Variants in TMX3 observed in about 807,000 individuals in gnomAD.
The protein encoded by TMX3 is protein disulfide-isomerase TMX3.
Under a neutral mutation model 64.4 loss-of-function variants are expected in TMX3, and 40 were observed. The observed-to-expected ratio is 0.62, with a 90% CI of 0.48 to 0.81. TMX3 has a LOEUF of 0.81. TMX3 is among the 30% of genes least tolerant of loss of function. The pLI is 0.00. For missense variants in TMX3, 497 were observed against 534.5 expected (o/e 0.93, Z 0.69); for synonymous variants, 189 against 175.7 (o/e 1.08, Z -0.60).
intron 9 of TMX3, 52 bp downstream of exon 9, chr18:68,691,243 C>A: frequency 7.8e-7 from 1 of 1,287,064 alleles, no homozygotes; most frequent in Admixed American, 2.0e-5. Flanking sequence ...AGTTGTATAA[C>A]AGACATTTTA....
Position 68,691,275 on chromosome 18 carries a change from G to C in TMX3, c.637+20C>G, listed in dbSNP as rs553274614. ...TTTAATTTTAAAATGTTTTACATGA[G>C]TTAAAGATTTGGAACTTACCATCAT... On this transcript the variant is annotated intron_variant, in intron 9 of 15. Coordinates refer to ENST00000299608, the MANE Select transcript of TMX3 (RefSeq NM_019022.5). 2 of 1,529,752 alleles carry C rather than the reference G, an allele frequency of 1.3e-6. No homozygotes were observed. Among genetic ancestry groups the C allele is most frequent in the Admixed American group, 1.8e-5 (1 of 55,022 alleles). The allele number at this position is 1,529,752 out of a possible 1,614,324, so 94.8% of individuals were successfully genotyped here. A position where few individuals can be genotyped will look rare whatever the true frequency, so the allele number is the denominator to read the frequency against.
intron 15 of TMX3, among the ~76,000 whole-genome samples, chr18:68,677,439 T>C (rs1052876911): frequency 2.6e-5 from 4 of 152,088 alleles, no homozygotes; most frequent in African/African-American, 9.7e-5. Flanking sequence ...AGGCATCAAA[T>C]ATTCTACAGC....
Position 68,687,778 on chromosome 18 carries a change from A to G in TMX3, c.638-13T>C. The stretch of plus-strand genomic sequence containing the variant: ...CCATCTTCATACTCTTAAAACCAAG[A>G]CAAAGTTGACAAATTACAGTATAAA... On this transcript the variant is annotated splice_polypyrimidine_tract_variant and intron_variant, in intron 9 of 15. Coordinates refer to ENST00000299608, the MANE Select transcript of TMX3 (RefSeq NM_019022.5). The G allele has an allele frequency of 6.3e-7, 1 of 1,582,702 alleles. No homozygotes were observed. The highest frequency in any genetic ancestry group is 8.6e-7 in the Non-Finnish European group (1 of 1,161,080).
intron 10 of TMX3, among the ~76,000 whole-genome samples, chr18:68,685,839 A>C (rs1011403747): frequency 2.6e-5 from 4 of 152,240 alleles, no homozygotes; most frequent in African/African-American, 7.2e-5. Flanking sequence ...GATTTTCCTA[A>C]GGAAGCAGTA....
At chr18:68,701,889 A>G (rs2030119135) in intron 4 of TMX3, 99 bp from the exon 5 acceptor site, 2 of 911,146 alleles carry the variant, frequency 2.2e-6, no homozygotes, top group East Asian at 2.6e-5. Context: ...ATATTTATAC[A>G]ACCCATATAG....
intron 4 of TMX3, among the ~76,000 whole-genome samples, chr18:68,703,526 G>A (rs1228975775): frequency 6.6e-6 from 1 of 152,014 alleles, no homozygotes; most frequent in Non-Finnish European, 1.5e-5. Flanking sequence ...TATTCACATC[G>A]AGACAATGGA....
Position 68,698,048 on chromosome 18 carries a change from CA to C in TMX3, c.393-18del, listed in dbSNP as rs1268141020. On this transcript the variant is annotated intron_variant, in intron 6 of 15. Coordinates refer to ENST00000299608, the MANE Select transcript of TMX3 (RefSeq NM_019022.5). ...ATTAGAGCCCTGTTGCACAACAAAA[CA>C]AAAAACAAACTTGAATTATAAACTA... 6 of 1,555,290 alleles carry C rather than the reference CA, an allele frequency of 3.9e-6. No individual in the cohort carries two copies. In the East Asian group the frequency reaches 1.1e-4, roughly 29 times the overall value.
chr18:68,694,040 A>G (rs924886293), intron 8 of TMX3, among the ~76,000 whole-genome samples: 3 of 152,142 alleles, frequency 2.0e-5, no homozygotes, highest in Non-Finnish European at 2.9e-5. Flanking sequence ...CTGTTGCTCA[A>G]TGAAGCTCCT....
rs151078315 is a variant in TMX3 at position 68,713,980 on chromosome 18, G to A, written c.47-80C>T. The A allele has an allele frequency of 6.3e-4, 627 of 1,001,666 alleles. 4 individuals are homozygous for A. In the African/African-American group the frequency reaches 8.3e-3, roughly 13 times the overall value. 62.0% of individuals were successfully genotyped at this position (1,001,666 alleles called of 1,614,324 possible). ...GTATAAGCTTAGTCATCTCTGAAGTGTTTTTGACCTTTCACAACCTACCAA... is the reference window on the plus strand; with the variant it reads ...GTATAAGCTTAGTCATCTCTGAAGTATTTTTGACCTTTCACAACCTACCAA... On this transcript the variant is annotated intron_variant, in intron 1 of 15. Coordinates refer to ENST00000299608, the MANE Select transcript of TMX3 (RefSeq NM_019022.5).
intron 10 of TMX3, among the ~76,000 whole-genome samples, chr18:68,684,823 T>C (rs1913789641): frequency 6.6e-6 from 1 of 152,046 alleles, no homozygotes; most frequent in African/African-American, 2.4e-5. Context: ...TTGGCTAAGA[T>C]AACTATTTTT....
intron 2 of TMX3, among the ~76,000 whole-genome samples, chr18:68,712,575 G>C (rs1318983497): frequency 6.6e-6 from 1 of 151,950 alleles, no homozygotes; most frequent in African/African-American, 2.4e-5. Context: ...TTTCAGCATA[G>C]GGACCTTTCT....
intron 15 of TMX3, among the ~76,000 whole-genome samples, chr18:68,678,867 A>G (rs1163623393): frequency 6.6e-6 from 1 of 152,080 alleles, no homozygotes; most frequent in Non-Finnish European, 1.5e-5. Context: ...GATTTGATCC[A>G]TCACATTTTA....
At chr18:68,708,060 T>C (rs970098384) in intron 4 of TMX3, among the ~76,000 whole-genome samples, 10 of 147,698 alleles carry the variant, frequency 6.8e-5, no homozygotes, top group African/African-American at 2.6e-4. Context: ...TATATGTGTA[T>C]ATATATGTGT....
rs9960027 is a variant in TMX3, at chr18:68,714,657, G to A, written c.46+279C>T. ...GCCCATCAAAGGAGTAAGCTTTATT[G>A]AAACTTCTGCCACAATGAGAAAAAC... On this transcript the variant is annotated intron_variant, in intron 1 of 15. Coordinates refer to ENST00000299608, the MANE Select transcript of TMX3 (RefSeq NM_019022.5). Among the ~76,000 whole-genome samples, 32,686 of 152,176 alleles carry A rather than the reference G, an allele frequency of 0.21. 5,491 individuals carry two copies. The highest frequency in any genetic ancestry group is 0.47 in the African/African-American group (19,428 of 41,482).
intron 6 of TMX3, among the ~76,000 whole-genome samples, chr18:68,699,222 T>C (rs1311332485): frequency 6.6e-6 from 1 of 152,174 alleles, no homozygotes; most frequent in Non-Finnish European, 1.5e-5. Context: ...ATGTAAGTGA[T>C]GCAACTCCAG....
At chr18:68,704,819 G>C in intron 4 of TMX3, among the ~76,000 whole-genome samples, 1 of 152,130 alleles carries the variant, frequency 6.6e-6, no homozygotes, top group East Asian at 1.9e-4. Context: ...TGATGCTAGA[G>C]GTAAGTAGGA....
chr18:68,712,790 A>G (rs769967740), intron 2 of TMX3, among the ~76,000 whole-genome samples: 1 of 152,066 alleles, frequency 6.6e-6, no homozygotes, highest in Non-Finnish European at 1.5e-5. Context: ...ATCAGTGAGC[A>G]TCCCCCATGA....
intron 1 of TMX3, 21 bp downstream of exon 1, chr18:68,714,915 C>T (rs1412766061): frequency 6.4e-7 from 1 of 1,553,152 alleles, no homozygotes; most frequent in South Asian, 1.2e-5. Flanking sequence ...GCCAGCGTCC[C>T]GACCGCTGAG....
At chr18:68,709,409 G>A (rs1456059672) in intron 4 of TMX3, among the ~76,000 whole-genome samples, 3 of 152,102 alleles carry the variant, frequency 2.0e-5, no homozygotes, top group Admixed American at 1.3e-4. Context: ...ACGGAATTCT[G>A]CCATGGAGGC....
Sources: gnomAD v4.1 joint callset for allele counts (sites outside exome capture counted in the v4.1 genomes callset) on GRCh38, gnomAD v4.1.1 for gene constraint, MANE v1.5 for transcripts, NCBI Gene and HGNC (gene_info 2026-07-23, HGNC 2026-07-21) for gene names.